KCNIP1: variants seen among roughly 807,000 people sequenced by gnomAD.
KCNIP1 encodes A-type potassium channel modulatory protein KCNIP1.
Under a neutral mutation model 33.0 loss-of-function variants are expected in KCNIP1, and 18 were observed. The observed-to-expected ratio is 0.55, with a 90% CI of 0.38 to 0.81. The LOEUF (loss-of-function observed/expected upper bound fraction) is 0.81, where lower values mean the gene tolerates loss of function less well. Ranked by LOEUF, KCNIP1 falls within the 30% of genes least tolerant of loss-of-function variation. The pLI is 0.00. For synonymous variants in KCNIP1, 93 were observed against 98.3 expected (o/e 0.95, Z 0.32); for missense variants, 238 against 271.6 (o/e 0.88, Z 0.87).
intron 1 of KCNIP1, among the ~76,000 whole-genome samples, chr5:170,615,859 T>G (rs1759349317): frequency 6.6e-6 from 1 of 152,240 alleles, no homozygotes; most frequent in African/African-American, 2.4e-5. Context: ...ACAAGTAATG[T>G]CCTGGCACGC....
chr5:170,456,926 C>T (rs894126237), intron 1 of KCNIP1, among the ~76,000 whole-genome samples: 1 of 151,998 alleles, frequency 6.6e-6, no homozygotes, highest in Non-Finnish European at 1.5e-5. Context: ...CCCTATGTTG[C>T]CCAGGCTGGT....
At chr5:170,508,870 C>T (rs947284383) in intron 1 of KCNIP1, among the ~76,000 whole-genome samples, 2 of 152,152 alleles carry the variant, frequency 1.3e-5, no homozygotes, top group African/African-American at 4.8e-5. Context: ...TTATGACTCA[C>T]AATCGCGCTT....
chr5:170,602,807 C>A (rs1374972392), intron 1 of KCNIP1, among the ~76,000 whole-genome samples: 1 of 152,208 alleles, frequency 6.6e-6, no homozygotes, highest in East Asian at 1.9e-4. Flanking sequence ...ACCAGAGGAG[C>A]CAGGAAAAGG....
chr5:170,552,240 T>C (rs980202874), intron 1 of KCNIP1, among the ~76,000 whole-genome samples: 2 of 152,156 alleles, frequency 1.3e-5, no homozygotes, highest in African/African-American at 2.4e-5. Flanking sequence ...TATTCACACA[T>C]TGAGGCCACA....
rs181196373 is a variant in KCNIP1 at position 170,511,133 on chromosome 5, G to A, written c.61+6500G>A. Reference sequence around the variant, plus strand: ...CTGAGGCAGGAGAATCGCTTGAACCGAGGAGACGGAGGTTGCAGTGAGCCA... The same window carrying A: ...CTGAGGCAGGAGAATCGCTTGAACCAAGGAGACGGAGGTTGCAGTGAGCCA... On this transcript the variant is annotated intron_variant, in intron 1 of 7. Transcript: ENST00000328939. Among the ~76,000 whole-genome samples the A allele has an allele frequency of 7.7e-3, 1,169 of 152,292 alleles. 10 individuals carry two copies. Among genetic ancestry groups the A allele is most frequent in the Non-Finnish European group, 0.012 (824 of 68,024 alleles).
At position 170,603,708 on chromosome 5, in the gene KCNIP1, G is replaced by GCAAA. The variant is rs1473664359; in HGVS notation, c.61+99075_61+99076insCAAA. Among the ~76,000 whole-genome samples the GCAAA allele has an allele frequency of 3.4e-3, 518 of 152,278 alleles. 3 individuals carry two copies. The highest frequency in any genetic ancestry group is 0.012 in the African/African-American group (493 of 41,552). On this transcript the variant is annotated intron_variant, in intron 1 of 7. Transcript: ENST00000328939. Reference sequence around the variant, plus strand: ...GGGCCACACAAGCAAAGGCAGAGGTGGGGAGAGAAGAGCCTGCCACACTCT... The same window carrying GCAAA: ...GGGCCACACAAGCAAAGGCAGAGGTGCAAAGGGAGAGAAGAGCCTGCCACACTCT...
chr5:170,492,376 C>T (rs1215895962), intron 1 of KCNIP1, among the ~76,000 whole-genome samples: 5 of 152,266 alleles, frequency 3.3e-5, no homozygotes, highest in Non-Finnish European at 5.9e-5. Context: ...CATCGAGTTT[C>T]TATGCCCTCT....
intron 1 of KCNIP1, among the ~76,000 whole-genome samples, chr5:170,523,334 C>T (rs76378150): frequency 0.14 from 21,321 of 152,220 alleles, 1,613 homozygotes; most frequent in East Asian, 0.23. Context: ...GGGAAGCCCT[C>T]CGCCAGGAAA....
chr5:170,382,650 C>G (rs986273836), intron 1 of KCNIP1: 1 of 150,238 alleles, frequency 6.7e-6, no homozygotes, highest in Non-Finnish European at 1.4e-5. Context: ...AATCCAAGAG[C>G]CTTTCTTTTT....
At chr5:170,451,761 G>A (rs1048352764) in intron 1 of KCNIP1, among the ~76,000 whole-genome samples, 15 of 149,160 alleles carry the variant, frequency 1.0e-4, no homozygotes, top group Non-Finnish European at 7.5e-5. Context: ...GTGTGTGTGT[G>A]TGTGTGTGTT....
At chr5:170,690,946 A>G (rs1455827078) in intron 1 of KCNIP1, among the ~76,000 whole-genome samples, 2 of 152,244 alleles carry the variant, frequency 1.3e-5, no homozygotes, top group Non-Finnish European at 2.9e-5. Flanking sequence ...GTAGTGGATG[A>G]TATCTAAGGA....
chr5:170,464,443 A>G (rs1756567030), intron 1 of KCNIP1, among the ~76,000 whole-genome samples: 1 of 152,236 alleles, frequency 6.6e-6, no homozygotes, highest in Non-Finnish European at 1.5e-5. Context: ...AATCCTGATA[A>G]AGAACAAAGC....
intron 1 of KCNIP1, among the ~76,000 whole-genome samples, chr5:170,525,382 T>C (rs2113323614): frequency 6.6e-6 from 1 of 152,344 alleles, no homozygotes; most frequent in Admixed American, 6.5e-5. Context: ...GGATAAGCGA[T>C]AGAATCTGCA....
chr5:170,534,585 A>G (rs1465530037), intron 1 of KCNIP1, among the ~76,000 whole-genome samples: 1 of 152,108 alleles, frequency 6.6e-6, no homozygotes, highest in Non-Finnish European at 1.5e-5. Flanking sequence ...TGATGTGACC[A>G]CAGCTCACTG....
At position 170,508,629 on chromosome 5, in the gene KCNIP1, A is replaced by G. The variant is rs1308188070; in HGVS notation, c.61+3996A>G. ...ATCTGCAAAAGGAGAATCCTGATGTATAGAAATGTTTGTGCTTTGGTCTTT... is the reference window on the plus strand; with the variant it reads ...ATCTGCAAAAGGAGAATCCTGATGTGTAGAAATGTTTGTGCTTTGGTCTTT... On this transcript the variant is annotated intron_variant, in intron 1 of 7. Transcript: ENST00000328939. Among the ~76,000 whole-genome samples the G allele has an allele frequency of 5.6e-4, 86 of 152,356 alleles. 2 individuals are homozygous for G. The highest frequency in any genetic ancestry group is 5.6e-3 in the Admixed American group (85 of 15,308).
chr5:170,717,320 C>A (rs1253880949), intron 1 of KCNIP1, among the ~76,000 whole-genome samples: 1 of 152,088 alleles, frequency 6.6e-6, no homozygotes, highest in African/African-American at 2.4e-5. Context: ...TAGATAATTG[C>A]TACTTATCTT....
At chr5:170,597,830 T>TATATATATATATATATAA (rs1758516180) in intron 1 of KCNIP1, among the ~76,000 whole-genome samples, 1 of 111,542 alleles carries the variant, frequency 9.0e-6, no homozygotes, top group African/African-American at 3.3e-5. Context: ...TATATATATA[T>TATATATATATATATATAA]GAAAGAAAGA....
chr5:170,622,638 AAG>A (rs1491294912), intron 1 of KCNIP1, among the ~76,000 whole-genome samples: 2 of 151,564 alleles, frequency 1.3e-5, no homozygotes, highest in South Asian at 2.1e-4. Flanking sequence ...AAAAAAAAAA[AAG>A]AGTGGATACA....
At chr5:170,435,513 T>C (rs1755842498) in intron 1 of KCNIP1, among the ~76,000 whole-genome samples, 2 of 152,288 alleles carry the variant, frequency 1.3e-5, no homozygotes, top group South Asian at 4.1e-4. Flanking sequence ...TTTTTGGGGC[T>C]TTTTTGCAAG....
Sources: gnomAD v4.1 joint callset for allele counts (sites outside exome capture counted in the v4.1 genomes callset) on GRCh38, gnomAD v4.1.1 for gene constraint, MANE v1.5 for transcripts, NCBI Gene and HGNC (gene_info 2026-07-23, HGNC 2026-07-21) for gene names.